The following RECQL4 variants were observed in gnomAD, a reference collection of about 807,000 sequenced individuals.
RECQL4 encodes ATP-dependent DNA helicase Q4.
A neutral mutation model predicts 128.6 loss-of-function variants in RECQL4; 158 were observed. The ratio of observed to expected loss-of-function variants is 1.23; its 90% CI spans 1.08 to 1.40. The LOEUF is 1.40. Ranked by LOEUF, RECQL4 falls within the 40% of genes most tolerant of loss-of-function variation. The probability of loss-of-function intolerance (pLI) is 0.00; values close to 1 mark genes in which losing one functional copy is unlikely to be tolerated. For missense variants in RECQL4, 2,293 were observed against 1,649.8 expected, an observed-to-expected ratio of 1.39 and a Z score of -6.75; for synonymous variants, 996 against 678.9, an observed-to-expected ratio of 1.47 and a Z score of -7.26.
chr8:144,516,506 G>A lies in RECQL4; in HGVS notation c.613C>T (p.Pro205Ser). 6.2e-7 allele frequency: 1 copy of A among 1,609,176 alleles called. No homozygotes were observed. The highest frequency in any genetic ancestry group is 8.5e-7 in the Non-Finnish European group (1 of 1,179,572). The change falls in exon 5 of 21, where the codon CCC becomes TCC. Residue 205 changes from proline (P) to serine (S), a missense_variant. Transcript: ENST00000617875. The part of the protein sequence containing the change: ...HSEVPDFLGA[P>S]KACRPDLGSE... Reference sequence around the variant, plus strand: ...CCTAGATCAGGCCTGCAGGCTTTGGGGGCCCCCAGAAAATCTGGGACCTCA... The same window carrying A: ...CCTAGATCAGGCCTGCAGGCTTTGGAGGCCCCCAGAAAATCTGGGACCTCA...
At chr8:144,512,598 C>T (rs1022684920) in intron 16 of RECQL4, 37 bp from the exon 17 acceptor site, 6 of 1,611,828 alleles carry the variant, frequency 3.7e-6, no homozygotes, top group Non-Finnish European at 4.2e-6. Flanking sequence ...GGCCAACAGC[C>T]CTGATTCTCC....
In RECQL4 at chr8:144,514,031, A is replaced by G. The variant is rs1167635927; in HGVS notation, c.1955T>C (p.Val652Ala). Residue 652 changes from valine (V) to alanine (A), a missense_variant, in exon 12 of 21, where the codon GTG (valine) becomes GCG (alanine). Coordinates refer to ENST00000617875, the MANE Select transcript of RECQL4 (RefSeq NM_004260.4). ...TTCAGCCACAGCCAGGTGCTGTGCC[A>G]CGTCACTGGCAGTGCGGCGTGTGGC... ...ATATRRTASD[V>A]AQHLAVAEEP... 5 of 1,575,398 alleles carry G rather than the reference A, an allele frequency of 3.2e-6. No homozygotes were observed. In the African/African-American group the frequency reaches 6.8e-5, roughly 21 times the overall value.
chr8:144,515,264 A>G (rs1366397487), intron 7 of RECQL4, 22 bp from the exon 8 acceptor site: 2 of 1,606,602 alleles, frequency 1.2e-6, no homozygotes, highest in East Asian at 2.2e-5. Context: ...GATGTTGATC[A>G]CCATGACTTG....
chr8:144,515,871 C>T lies in RECQL4; in HGVS notation c.1151G>A (p.Arg384Gln), dbSNP rs376045624. The change falls in exon 6 of 21, where the codon CGG becomes CAG. Residue 384 changes from arginine (R) to glutamine (Q), a missense_variant. Physicochemically the swap from Arg to Gln is conservative, Grantham distance 43. Transcript: ENST00000617875. ...LRKQAWKQKWRKKGECFGGGG... is the reference protein window; with the variant it reads ...LRKQAWKQKWQKKGECFGGGG... ...ACCCCCAAAACACTCCCCTTTCTTC[C>T]GCCACTTCTGCTTCCATGCCTGGGG... The T allele has an allele frequency of 6.0e-5, 96 of 1,612,824 alleles. No individual in the cohort carries two copies. The African/African-American group carries it at 8.8e-4, about 15-fold the overall frequency.
Position 144,513,272 on chromosome 8 carries a change from G to T in RECQL4, c.2409C>A (p.Gly803=), listed in dbSNP as rs1395156045. ...CAGGCTGCCCGTCACGCCCGGCCCGGCCCACGGCCTGCACGTAGCTCTCGA... is the reference window on the plus strand; with the variant it reads ...CAGGCTGCCCGTCACGCCCGGCCCGTCCCACGGCCTGCACGTAGCTCTCGA... The part of the protein sequence containing the change: ...PSFESYVQAV[G]RAGRDGQPAH... Residue 803 remains glycine, a synonymous_variant, in exon 14 of 21, where the codon GGC becomes GGA. Transcript: ENST00000617875. 1 of 1,595,886 alleles carries T rather than the reference G, an allele frequency of 6.3e-7. No individual in the cohort carries two copies. Among genetic ancestry groups the T allele is most frequent in the Non-Finnish European group, 8.5e-7 (1 of 1,177,684 alleles).
Position 144,511,300 on chromosome 8 carries a change from G to A in RECQL4, c.*131C>T. The A allele has an allele frequency of 6.5e-7, 1 of 1,541,940 alleles. No homozygotes were observed. The highest frequency in any genetic ancestry group is 8.8e-7 in the Non-Finnish European group (1 of 1,141,856). On this transcript the variant is annotated 3_prime_UTR_variant, in exon 21 of 21. Transcript: ENST00000617875. ...CCAAGAGGGCCCATAAAAACAAAGT[G>A]AGCATTTTTTATTCTGCATTTTGGA...
rs764510816 is a variant in RECQL4, at chr8:144,516,221, C to T, written c.898G>A (p.Gly300Arg). 5 of 1,613,194 alleles carry T rather than the reference C, an allele frequency of 3.1e-6. No homozygotes were observed. The highest frequency in any genetic ancestry group is 2.2e-5 in the East Asian group (1 of 44,882). The change falls in exon 5 of 21, where the codon GGG becomes AGG. Residue 300 changes from glycine (G) to arginine (R), a missense_variant. Coordinates refer to ENST00000617875, the MANE Select transcript of RECQL4 (RefSeq NM_004260.4). ...GGTGGCTGTGCCTGTACAGGTTCCC[C>T]TGGAGGGTCTTCCTCAACTGCTACA... is the stretch of plus-strand genomic sequence containing the variant. ...GAVAVEEDPP[G>R]EPVQAQPPQP...
chr8:144,513,501 T>G lies in RECQL4; in HGVS notation c.2201-21A>C, dbSNP rs756679274. ...ACGACCTTTGGGGAAGACAGGCAGA[T>G]GGTCAGTGGGATGGGACCATGTGTG... On this transcript the variant is annotated intron_variant, in intron 13 of 20. Coordinates refer to ENST00000617875, the MANE Select transcript of RECQL4 (RefSeq NM_004260.4). 1.9e-6 allele frequency: 3 copies of G among 1,610,428 alleles called. No homozygotes were observed. The Admixed American group carries it at 5.0e-5, about 27-fold the overall frequency.
chr8:144,513,353 C>A lies in RECQL4; in HGVS notation c.2328G>T (p.Met776Ile), dbSNP rs1368178192. 1.2e-6 allele frequency: 2 copies of A among 1,605,912 alleles called. No homozygotes were observed. Among genetic ancestry groups the A allele is most frequent in the Non-Finnish European group, 1.7e-6 (2 of 1,179,680 alleles). The part of the protein sequence containing the change: ...RVVVATVAFG[M>I]GLDRPDVRAV... ...CCCGCACATCTGGCCGGTCCAGCCC[C>A]ATCCCAAAGGCCACCGTGGCCACCA... Residue 776 changes from methionine (M) to isoleucine (I), a missense_variant, in exon 14 of 21, where the codon ATG becomes ATT. By Grantham distance (10) the Met-to-Ile change is conservative (BLOSUM62 1). Coordinates refer to ENST00000617875, the MANE Select transcript of RECQL4 (RefSeq NM_004260.4).
chr8:144,516,802 G>A (rs758501803), intron 4 of RECQL4, 38 bp from the exon 5 acceptor site: 3 of 1,507,676 alleles, frequency 2.0e-6, no homozygotes, highest in East Asian at 4.5e-5. Context: ...AGGAACTCAG[G>A]CCCCTGAGCT....
Position 144,511,930 on chromosome 8 carries a change from G to C in RECQL4, c.3374C>G (p.Pro1125Arg). 1.2e-6 allele frequency: 2 copies of C among 1,611,112 alleles called. No homozygotes were observed. Among genetic ancestry groups the C allele is most frequent in the Non-Finnish European group, 1.7e-6 (2 of 1,179,786 alleles). The part of the protein sequence containing the change: ...EPGGMEDAQG[P>R]EPGQARLQDW... Reference sequence around the variant, plus strand: ...ACTCACTCTGGCCTGCCCTGGCTCGGGGCCCTGTGCGTCCTCCATGCCTCC... The same window carrying C: ...ACTCACTCTGGCCTGCCCTGGCTCGCGGCCCTGTGCGTCCTCCATGCCTCC... The change falls in exon 19 of 21, where the codon CCC becomes CGC. Residue 1125 changes from proline to arginine, a missense_variant. Pro to Arg is a moderately radical substitution (Grantham distance 103). Transcript: ENST00000617875.
rs1484652365 is a variant in RECQL4 at position 144,512,077 on chromosome 8, G to A, written c.3237-10C>T. The A allele has an allele frequency of 3.7e-6, 6 of 1,606,782 alleles. 1 individual carries two copies. The highest frequency in any genetic ancestry group is 3.3e-5 in the South Asian group (3 of 90,294). On this transcript the variant is annotated splice_polypyrimidine_tract_variant and intron_variant, in intron 18 of 20. Transcript: ENST00000617875. ...GCTGGGGAAGGCTACGCTGTGGGGA[G>A]GAGCCTGTCAGAGCTGATCACTGCG...
intron 20 of RECQL4, 51 bp downstream of exon 20, chr8:144,511,630 G>GCCCCAGC (rs1235264366): frequency 1.7e-5 from 28 of 1,606,588 alleles, no homozygotes; most frequent in African/African-American, 4.0e-5. Context: ...GGCCTCACCT[G>GCCCCAGC]CCCCAGCCCC....
chr8:144,515,918 C>T, intron 5 of RECQL4, 28 bp from the exon 6 acceptor site: 1 of 1,612,634 alleles, frequency 6.2e-7, no homozygotes, highest in Non-Finnish European at 8.5e-7. Context: ...AGGAGGGTCA[C>T]TGGGCGGGAA....
rs35334991 is a variant in RECQL4 at position 144,513,728 on chromosome 8, T to C, written c.2059-16A>G. 25,897 of 1,305,628 alleles carry C rather than the reference T, an allele frequency of 0.02. 277 individuals carry two copies. The highest frequency in any genetic ancestry group is 0.022 in the Non-Finnish European group (22,539 of 1,004,712). The allele number at this position is 1,305,628 out of a possible 1,614,324, so 80.9% of individuals were successfully genotyped here. A position where few individuals can be genotyped will look rare whatever the true frequency, so the allele number is the denominator to read the frequency against. ...TCAACAGTGCCTGATGAGGAGCGGT[T>C]GGCGTGGGCAGTGGGGAGTGAGGAG... is the stretch of plus-strand genomic sequence containing the variant. On this transcript the variant is annotated splice_polypyrimidine_tract_variant and intron_variant, in intron 12 of 20. Transcript: ENST00000617875.
chr8:144,513,971 G>C lies in RECQL4; in HGVS notation c.2015C>G (p.Thr672Ser), dbSNP rs772696526. 1.9e-6 allele frequency: 3 copies of C among 1,563,376 alleles called. No individual in the cohort carries two copies. Among genetic ancestry groups the C allele is most frequent in the Non-Finnish European group, 2.6e-6 (3 of 1,154,640 alleles). ...CATGGACACGGAAAGGTGCAGGTTG[G>C]TGGGAACTGGGGCTGGCCCGTGGAG... is the stretch of plus-strand genomic sequence containing the variant. ...PDLHGPAPVPTNLHLSVSMDR... is the reference protein window; with the variant it reads ...PDLHGPAPVPSNLHLSVSMDR... Residue 672 changes from threonine (T) to serine (S), a missense_variant, in exon 12 of 21, where the codon ACC becomes AGC. Transcript: ENST00000617875.
At position 144,513,464 on chromosome 8, in the gene RECQL4, G is replaced by A. The variant is rs2130680777; in HGVS notation, c.2217C>T (p.Thr739=). 1 of 1,609,888 alleles carries A rather than the reference G, an allele frequency of 6.2e-7. No homozygotes were observed. The highest frequency in any genetic ancestry group is 8.5e-7 in the Non-Finnish European group (1 of 1,179,794). The stretch of plus-strand genomic sequence containing the variant: ...TGCCCGCGTGGTAGGCCTCGGCTGT[G>A]GTTTTGGGGGCACGACCTTTGGGGA... ...VPGSGGRAPK[T]TAEAYHAGMC... The change falls in exon 14 of 21, where the codon ACC becomes ACT. Residue 739 remains threonine, a synonymous_variant. Coordinates refer to ENST00000617875, the MANE Select transcript of RECQL4 (RefSeq NM_004260.4).
rs911864123 is a variant in RECQL4, at chr8:144,515,988, C to G, written c.1131G>C (p.Gln377His). 1 of 1,609,698 alleles carries G rather than the reference C, an allele frequency of 6.2e-7. No homozygotes were observed. Among genetic ancestry groups the G allele is most frequent in the East Asian group, 2.2e-5 (1 of 44,804 alleles). ...RALRSRLLRK[Q>H]AWKQKWRKKG... The stretch of plus-strand genomic sequence containing the variant: ...CTGTCCTGGCCCGTCGCTGTCTTAC[C>G]TGCTTGCGGAGGAGCCTGCTACGGA... The change falls in exon 5 of 21, where the codon CAG becomes CAC. Residue 377 changes from glutamine to histidine, a missense_variant and splice_region_variant. By Grantham distance (24) the Gln-to-His change is conservative. Transcript: ENST00000617875.
intron 19 of RECQL4, 33 bp from the exon 20 acceptor site, chr8:144,511,822 G>A: frequency 6.2e-7 from 1 of 1,611,392 alleles, no homozygotes; most frequent in Non-Finnish European, 8.5e-7. Flanking sequence ...CTTCCTCTGA[G>A]CTCCCGTGGC....
Sources: gnomAD v4.1 joint callset for allele counts on GRCh38, gnomAD v4.1.1 for gene constraint, MANE v1.5 for transcripts, NCBI Gene and HGNC (gene_info 2026-07-23, HGNC 2026-07-21) for gene names.